Variants in RTTN observed in about 807,000 individuals in gnomAD.
The protein encoded by RTTN is rotatin.
In RTTN, 182 loss-of-function variants were observed where a neutral mutation model predicts 269.2. That is an observed-to-expected ratio of 0.68 (90% CI 0.60 to 0.76). RTTN has a LOEUF of 0.76. Among genes scored for constraint, RTTN ranks in the 30% least tolerant of loss-of-function variants. The probability of loss-of-function intolerance (pLI) is 0.00; values close to 1 mark genes in which losing one functional copy is unlikely to be tolerated. For synonymous variants in RTTN, 1,006 were observed against 963.5 expected (o/e 1.04, Z -0.82); for missense variants, 2,545 against 2,608.6 (o/e 0.98, Z 0.53).
intron 32 of RTTN, among the ~76,000 whole-genome samples, chr18:70,084,603 C>T (rs915577897): frequency 2.2e-4 from 33 of 149,362 alleles, no homozygotes; most frequent in Non-Finnish European, 3.0e-4. Context: ...AGGAAGGACA[C>T]TTACACAAAC....
chr18:70,005,267 C>A lies in RTTN; in HGVS notation c.6526G>T (p.Ala2176Ser). The change falls in exon 48 of 49, where the codon GCA becomes TCA. Residue 2176 changes from alanine to serine, a missense_variant and splice_region_variant. Ala to Ser is a moderately conservative substitution (Grantham distance 99, BLOSUM62 1). Coordinates refer to ENST00000640769, the MANE Select transcript of RTTN (RefSeq NM_173630.4). ...GATGGGCTTTTCAAAGCTGTTTTTG[C>A]CTAGAACAATCCATTAATTAGGTTT... Reference protein sequence around the residue: ...LWALIYNYQKAKTALKSPSVK... With the variant: ...LWALIYNYQKSKTALKSPSVK... 6.2e-7 allele frequency: 1 copy of A among 1,610,904 alleles called. No homozygotes were observed.
At chr18:70,101,663 G>C (rs1327681744) in intron 28 of RTTN, among the ~76,000 whole-genome samples, 1 of 152,112 alleles carries the variant, frequency 6.6e-6, no homozygotes, top group Non-Finnish European at 1.5e-5. Flanking sequence ...TTTTAACTGT[G>C]ATGTTAGGGT....
chr18:70,047,011 T>C (rs979186084), intron 40 of RTTN, among the ~76,000 whole-genome samples: 1 of 152,176 alleles, frequency 6.6e-6, no homozygotes, highest in Non-Finnish European at 1.5e-5. Context: ...ACCAGAAATA[T>C]CTGCATGATC....
chr18:70,080,342 ATC>A (rs2058532598), intron 32 of RTTN, among the ~76,000 whole-genome samples: 3 of 152,126 alleles, frequency 2.0e-5, no homozygotes, highest in African/African-American at 7.2e-5. Context: ...TGGAGCAAAT[ATC>A]TGATTCCAGG....
Position 70,127,493 on chromosome 18 carries a change from T to C in RTTN, c.3383+9A>G. The C allele has an allele frequency of 6.2e-7, 1 of 1,612,854 alleles. No individual in the cohort carries two copies. The highest frequency in any genetic ancestry group is 8.5e-7 in the Non-Finnish European group (1 of 1,179,248). ...TCTTTGAAACTGGCAGCCTTGACCT[T>C]ACACTGACCTGTTTAGTGCGGTGTG... On this transcript the variant is annotated intron_variant, in intron 25 of 48. Transcript: ENST00000640769.
chr18:70,051,564 A>G lies in RTTN; in HGVS notation c.5186-16T>C. 1.3e-6 allele frequency: 2 copies of G among 1,564,710 alleles called. No homozygotes were observed. Among genetic ancestry groups the G allele is most frequent in the Non-Finnish European group, 1.7e-6 (2 of 1,144,896 alleles). ...AACTCTTTATCTATAAAATTAATCA[A>G]AACACTTCAAGTTATTAACACAAAG... On this transcript the variant is annotated splice_polypyrimidine_tract_variant and intron_variant, in intron 38 of 48. Transcript: ENST00000640769.
At chr18:70,180,938 T>C (rs2146017469) in intron 10 of RTTN, among the ~76,000 whole-genome samples, 1 of 152,332 alleles carries the variant, frequency 6.6e-6, no homozygotes, top group East Asian at 1.9e-4. Context: ...GCCTAGCATA[T>C]ATTAATAACG....
Position 70,199,430 on chromosome 18 carries a change from G to A in RTTN, c.562C>T (p.Leu188Phe), listed in dbSNP as rs747711179. 6.2e-7 allele frequency: 1 copy of A among 1,610,570 alleles called. No homozygotes were observed. Among genetic ancestry groups the A allele is most frequent in the Admixed American group, 1.7e-5 (1 of 59,980 alleles). Residue 188 changes from leucine to phenylalanine, a missense_variant, in exon 5 of 49, where the codon CTC becomes TTC. Physicochemically the swap from Leu to Phe is conservative, Grantham distance 22. Coordinates refer to ENST00000640769, the MANE Select transcript of RTTN (RefSeq NM_173630.4). ...GCACCGTACCTTTCATTAGAGGAGA[G>A]GACATGTCTGTCTGTGGTGGTCAGG... ...LPLTTTDRHV[L>F]SSNESSLRSS...
intron 3 of RTTN, among the ~76,000 whole-genome samples, chr18:70,202,448 G>T (rs185806821): frequency 6.6e-6 from 1 of 152,294 alleles, no homozygotes; most frequent in East Asian, 1.9e-4. Flanking sequence ...CAGCAGTTCA[G>T]CTGCAATGAA....
chr18:70,054,856 A>C (rs946034260), intron 37 of RTTN, among the ~76,000 whole-genome samples: 3 of 152,126 alleles, frequency 2.0e-5, no homozygotes, highest in Non-Finnish European at 4.4e-5. Context: ...TCAAGTAGTC[A>C]AATTATGAAA....
intron 11 of RTTN, among the ~76,000 whole-genome samples, chr18:70,171,977 C>T (rs1290979440): frequency 6.6e-6 from 1 of 152,164 alleles, no homozygotes; most frequent in South Asian, 2.1e-4. Flanking sequence ...AAGCTAAAGA[C>T]CTTGTGTTAC....
chr18:70,111,209 C>T (rs1333410962), intron 27 of RTTN, among the ~76,000 whole-genome samples: 1 of 152,228 alleles, frequency 6.6e-6, no homozygotes, highest in Non-Finnish European at 1.5e-5. Flanking sequence ...TCAAGCTCTG[C>T]TAAGGGTCAG....
intron 14 of RTTN, among the ~76,000 whole-genome samples, chr18:70,158,818 T>C (rs1456888223): frequency 6.6e-6 from 1 of 152,074 alleles, no homozygotes; most frequent in East Asian, 1.9e-4. Context: ...CAAAACAGAC[T>C]TTAAACCAAC....
At chr18:70,008,628 G>A (rs928473853) in intron 46 of RTTN, 5 of 150,594 alleles carry the variant, frequency 3.3e-5, no homozygotes, top group East Asian at 2.0e-4. Context: ...TATCAATAGC[G>A]AAATCGATCA....
At chr18:70,136,906 T>C (rs1274478279) in intron 21 of RTTN, among the ~76,000 whole-genome samples, 2 of 152,098 alleles carry the variant, frequency 1.3e-5, no homozygotes, top group African/African-American at 2.4e-5. Context: ...CAGTAGTTTT[T>C]AGGGTTTTTT....
At chr18:70,048,291 A>T (rs2057550980) in intron 39 of RTTN, 103 bp from the exon 40 acceptor site, 1 of 1,081,160 alleles carries the variant, frequency 9.2e-7, no homozygotes, top group African/African-American at 1.6e-5. Flanking sequence ...GATCATCTAG[A>T]TTACCAACTT....
intron 46 of RTTN, 135 bp downstream of exon 46, chr18:70,017,272 A>G (rs2056569354): frequency 1.2e-6 from 1 of 834,482 alleles, no homozygotes. Context: ...ATTCATTCCC[A>G]TGCCTTCCAC....
At chr18:70,120,751 T>C (rs1432153028) in intron 26 of RTTN, among the ~76,000 whole-genome samples, 1 of 152,162 alleles carries the variant, frequency 6.6e-6, no homozygotes, top group Non-Finnish European at 1.5e-5. Flanking sequence ...TTAGAATAGC[T>C]ATTTAGAAAA....
chr18:70,137,407 T>C (rs1047073382), intron 21 of RTTN, among the ~76,000 whole-genome samples: 6 of 152,172 alleles, frequency 3.9e-5, no homozygotes, highest in African/African-American at 1.4e-4. Context: ...AGCAGTGTTA[T>C]CTGAGAAGTT....
Sources: gnomAD v4.1 joint callset for allele counts (sites outside exome capture counted in the v4.1 genomes callset) on GRCh38, gnomAD v4.1.1 for gene constraint, MANE v1.5 for transcripts, NCBI Gene and HGNC (gene_info 2026-07-23, HGNC 2026-07-21) for gene names.